NOVA1: variants seen among roughly 807,000 people sequenced by gnomAD.
NOVA1 encodes the protein NOVA alternative splicing regulator 1, also known as RNA-binding protein Nova-1.
In NOVA1, 7 loss-of-function variants were observed where a neutral mutation model predicts 38.0. The ratio of observed to expected loss-of-function variants is 0.18; its 90% confidence interval spans 0.10 to 0.35. The LOEUF (loss-of-function observed/expected upper bound fraction) is 0.35, where lower values mean the gene tolerates loss of function less well. Ranked by LOEUF, NOVA1 falls within the 10% of genes least tolerant of loss-of-function variation. The pLI is 1.00. For missense variants in NOVA1, 460 were observed against 616.0 expected, an observed-to-expected ratio of 0.75 and a Z score of 2.68; for synonymous variants, 270 against 232.5, an observed-to-expected ratio of 1.16 and a Z score of -1.47.
At chr14:26,481,988 T>TTAAA (rs922159329) in intron 2 of NOVA1, among the ~76,000 whole-genome samples, 1 of 105,986 alleles carries the variant, frequency 9.4e-6, no homozygotes, top group Non-Finnish European at 1.8e-5. Flanking sequence ...TAGATAGAGA[T>TTAAA]AAAAAAAAAA....
At chr14:26,565,110 T>C (rs995520184) in intron 2 of NOVA1, among the ~76,000 whole-genome samples, 1 of 152,124 alleles carries the variant, frequency 6.6e-6, no homozygotes, top group Non-Finnish European at 1.5e-5. Flanking sequence ...AAAAAGACCA[T>C]GCTGAGAGAA....
intron 2 of NOVA1, among the ~76,000 whole-genome samples, chr14:26,499,407 T>G (rs973244782): frequency 5.9e-5 from 9 of 152,182 alleles, no homozygotes; most frequent in African/African-American, 2.2e-4. Context: ...ATTTGTATGA[T>G]GCAGCAAATT....
intron 2 of NOVA1, among the ~76,000 whole-genome samples, chr14:26,533,079 T>C (rs189033955): frequency 5.0e-4 from 76 of 152,312 alleles, no homozygotes; most frequent in Admixed American, 2.2e-3. Flanking sequence ...GTGTAGAATA[T>C]AATAAGTCTT....
intron 2 of NOVA1, among the ~76,000 whole-genome samples, chr14:26,495,181 A>T (rs544875153): frequency 7.2e-5 from 11 of 152,048 alleles, no homozygotes; most frequent in Non-Finnish European, 1.6e-4. Context: ...CTTTCTCATC[A>T]TAAAAGACTT....
chr14:26,557,034 A>G (rs1891529454), intron 2 of NOVA1, among the ~76,000 whole-genome samples: 1 of 152,110 alleles, frequency 6.6e-6, no homozygotes, highest in South Asian at 2.1e-4. Context: ...GGCAGCCCAT[A>G]TTCCCATGGC....
intron 2 of NOVA1, among the ~76,000 whole-genome samples, chr14:26,530,941 C>T (rs1040800762): frequency 1.3e-5 from 2 of 152,180 alleles, no homozygotes; most frequent in Admixed American, 6.5e-5. Context: ...AAAAACAACA[C>T]TTACTGAATA....
intron 2 of NOVA1, among the ~76,000 whole-genome samples, chr14:26,561,224 G>A (rs553239161): frequency 5.9e-5 from 9 of 152,276 alleles, no homozygotes; most frequent in South Asian, 4.1e-4. Context: ...GCCACAGACC[G>A]GACCAGAGCA....
At chr14:26,470,548 G>C (rs549161419) in intron 4 of NOVA1, 3 of 1,152,280 alleles carry the variant, frequency 2.6e-6, no homozygotes, top group Non-Finnish European at 3.9e-6. Flanking sequence ...GAGTATAGTG[G>C]ACAGAATATA....
At chr14:26,545,892 A>G (rs1381145032) in intron 2 of NOVA1, among the ~76,000 whole-genome samples, 1 of 152,166 alleles carries the variant, frequency 6.6e-6, no homozygotes, top group East Asian at 1.9e-4. Context: ...TTTTAAAGTA[A>G]TAAATGCTTA....
At chr14:26,465,789 G>A (rs1468970942) in intron 4 of NOVA1, among the ~76,000 whole-genome samples, 1 of 152,044 alleles carries the variant, frequency 6.6e-6, no homozygotes, top group Non-Finnish European at 1.5e-5. Flanking sequence ...GACCTATTAT[G>A]CTCCAGGCTA....
chr14:26,462,958 C>G (rs1883810309), intron 4 of NOVA1, among the ~76,000 whole-genome samples: 1 of 152,136 alleles, frequency 6.6e-6, no homozygotes, highest in Non-Finnish European at 1.5e-5. Context: ...TTTTCATATT[C>G]CTTGTCATCA....
intron 3 of NOVA1, among the ~76,000 whole-genome samples, chr14:26,478,486 T>G (rs1053456305): frequency 6.6e-6 from 1 of 151,968 alleles, no homozygotes; most frequent in Non-Finnish European, 1.5e-5. Context: ...AGAAAGCCAA[T>G]AGACCTTATA....
chr14:26,490,683 CTTT>C, intron 2 of NOVA1, among the ~76,000 whole-genome samples: 1 of 151,998 alleles, frequency 6.6e-6, no homozygotes, highest in African/African-American at 2.4e-5. Flanking sequence ...CAAATGGTGT[CTTT>C]TTGTGTGTAT....
intron 3 of NOVA1, among the ~76,000 whole-genome samples, chr14:26,474,981 G>T (rs1884864295): frequency 6.6e-6 from 1 of 151,576 alleles, no homozygotes; most frequent in Non-Finnish European, 1.5e-5. Context: ...TTAAATACTA[G>T]GAGAAAAAGT....
intron 2 of NOVA1, among the ~76,000 whole-genome samples, chr14:26,535,768 T>A (rs1206066295): frequency 1.3e-5 from 2 of 151,608 alleles, no homozygotes; most frequent in African/African-American, 4.9e-5. Flanking sequence ...CCATCCTGGT[T>A]AACGCGGTGA....
At chr14:26,580,908 A>G (rs1004372387) in intron 2 of NOVA1, among the ~76,000 whole-genome samples, 2 of 152,068 alleles carry the variant, frequency 1.3e-5, no homozygotes, top group African/African-American at 4.8e-5. Context: ...AATCTCTGCT[A>G]TAAATTTAGT....
chr14:26,503,609 A>T, intron 2 of NOVA1, among the ~76,000 whole-genome samples: 1 of 152,034 alleles, frequency 6.6e-6, no homozygotes, highest in East Asian at 1.9e-4. Flanking sequence ...ACGTTTTTTG[A>T]CCCAGTAATC....
chr14:26,473,115 T>C (rs528725620), intron 3 of NOVA1, among the ~76,000 whole-genome samples: 5 of 151,908 alleles, frequency 3.3e-5, no homozygotes, highest in Admixed American at 2.0e-4. Context: ...AAGAGTATAA[T>C]ATAGCATCAT....
At chr14:26,502,785 A>G (rs576078788) in intron 2 of NOVA1, among the ~76,000 whole-genome samples, 99 of 152,090 alleles carry the variant, frequency 6.5e-4, no homozygotes, top group Middle Eastern at 6.8e-3. Context: ...AAAAATAAAA[A>G]TGTGCCATTG....
Sources: allele counts gnomAD v4.1 joint callset (sites outside exome capture counted in the v4.1 genomes callset), GRCh38; gene constraint gnomAD v4.1.1; transcripts MANE v1.5; gene names NCBI Gene and HGNC (gene_info 2026-07-23, HGNC 2026-07-21).